ASXL3: variants seen among roughly 807,000 people sequenced by gnomAD.
The protein encoded by ASXL3 is putative Polycomb group protein ASXL3.
A neutral mutation model predicts 170.6 loss-of-function variants in ASXL3; 34 were observed. That is an observed-to-expected ratio of 0.20 (90% CI 0.15 to 0.27). The LOEUF (loss-of-function observed/expected upper bound fraction) is 0.27, where lower values mean the gene tolerates loss of function less well. Among genes scored for constraint, ASXL3 ranks in the 10% least tolerant of loss-of-function variants. ASXL3 has a pLI of 1.00. For synonymous variants in ASXL3, 1,002 were observed against 989.1 expected, an observed-to-expected ratio of 1.01 and a Z score of -0.24; for missense variants, 2,592 against 2,695.3, an observed-to-expected ratio of 0.96 and a Z score of 0.85.
At position 33,747,091 on chromosome 18, in the gene ASXL3, T is replaced by C. The variant is rs897729000; in HGVS notation, c.*496T>C. The C allele has an allele frequency of 2.0e-5, 3 of 152,758 alleles. 1 individual carries two copies. Among genetic ancestry groups the C allele is most frequent in the Admixed American group, 2.0e-4 (3 of 15,310 alleles). The allele number at this position is 152,758 out of a possible 1,614,324, so 9.5% of individuals were successfully genotyped here. On this transcript the variant is annotated 3_prime_UTR_variant, in exon 12 of 12. Coordinates refer to ENST00000269197, the MANE Select transcript of ASXL3 (RefSeq NM_030632.3). ...CCTATTTAGAAAGGGGAATCTGATTTAAATGTGTGATTCCTTGTATTTGCT... is the reference window on the plus strand; with the variant it reads ...CCTATTTAGAAAGGGGAATCTGATTCAAATGTGTGATTCCTTGTATTTGCT...
chr18:33,582,388 C>T (rs1043802330), intron 1 of ASXL3, among the ~76,000 whole-genome samples: 5 of 152,096 alleles, frequency 3.3e-5, no homozygotes, highest in Non-Finnish European at 5.9e-5. Flanking sequence ...ACAGAACATA[C>T]TGTTATTTAT....
chr18:33,601,465 G>A (rs913749172), intron 1 of ASXL3, among the ~76,000 whole-genome samples: 79 of 151,988 alleles, frequency 5.2e-4, no homozygotes, highest in African/African-American at 1.8e-3. Flanking sequence ...GACATCTAGT[G>A]AGTAGGGATT....
In ASXL3 at chr18:33,746,523, C is replaced by G; in HGVS notation, c.6675C>G (p.Gly2225=). The change falls in exon 12 of 12, where the codon GGC becomes GGG. Residue 2225 remains glycine (G), a synonymous_variant. Coordinates refer to ENST00000269197, the MANE Select transcript of ASXL3 (RefSeq NM_030632.3). ...TGAAAGCCATGATTGTGTGCAAAGG[C>G]TGTGGGGCCTTCTGCCATGACGACT... ...CRLKAMIVCK[G]CGAFCHDDCI... The G allele has an allele frequency of 6.2e-7, 1 of 1,613,152 alleles. No individual in the cohort carries two copies.
intron 2 of ASXL3, among the ~76,000 whole-genome samples, chr18:33,620,927 T>C (rs1424867740): frequency 1.3e-5 from 2 of 152,138 alleles, no homozygotes; most frequent in Non-Finnish European, 1.5e-5. Flanking sequence ...TTGTGTCCTT[T>C]GGTAAAAAGA....
intron 8 of ASXL3, among the ~76,000 whole-genome samples, chr18:33,710,669 G>A (rs1052607298): frequency 2.6e-5 from 4 of 152,046 alleles, no homozygotes; most frequent in African/African-American, 9.7e-5. Flanking sequence ...TGTCCTTAAT[G>A]ATCTAATTTA....
At position 33,744,838 on chromosome 18, in the gene ASXL3, G is replaced by T. The variant is rs371631443; in HGVS notation, c.4990G>T (p.Val1664Phe). Residue 1664 changes from valine to phenylalanine, a missense_variant, in exon 12 of 12, where the codon GTT becomes TTT. Physicochemically the swap from Val to Phe is conservative, Grantham distance 50 (BLOSUM62 -1). Coordinates refer to ENST00000269197, the MANE Select transcript of ASXL3 (RefSeq NM_030632.3). ...TCATCCCAGGAATCTTGTAACAAAT[G>T]TTGCTCTTCCTGTGAAATCTGAACT... ...ELHPRNLVTN[V>F]ALPVKSELHE... is the part of the protein sequence containing the mutation. 3 of 1,613,926 alleles carry T rather than the reference G, an allele frequency of 1.9e-6. No individual in the cohort carries two copies. Among genetic ancestry groups the T allele is most frequent in the African/African-American group, 2.7e-5 (2 of 74,940 alleles).
At chr18:33,643,448 T>C (rs1447222183) in intron 2 of ASXL3, among the ~76,000 whole-genome samples, 1 of 151,892 alleles carries the variant, frequency 6.6e-6, no homozygotes, top group Non-Finnish European at 1.5e-5. Context: ...TGTACTTTAA[T>C]GTTACAACTG....
At chr18:33,661,499 A>G (rs2066172737) in intron 4 of ASXL3, 117 bp from the exon 5 acceptor site, 2 of 890,068 alleles carry the variant, frequency 2.2e-6, no homozygotes, top group East Asian at 2.7e-5. Flanking sequence ...TTACTGTGCT[A>G]TTTTGCTTTA....
At position 33,696,213 on chromosome 18, in the gene ASXL3, T is replaced by A. The variant is rs527402571; in HGVS notation, c.879+12645T>A. On this transcript the variant is annotated intron_variant, in intron 8 of 11. Transcript: ENST00000269197. ...AACTCCTAGTAGTTATTATACCCTA[T>A]TAAAAAAATATAGTTGCCCAAGAAA... Among the ~76,000 whole-genome samples the A allele has an allele frequency of 4.6e-5, 7 of 151,796 alleles. No homozygotes were observed. In the East Asian group the frequency reaches 1.4e-3, roughly 29 times the overall value.
At chr18:33,679,023 G>A (rs182982947) in intron 7 of ASXL3, among the ~76,000 whole-genome samples, 1 of 152,222 alleles carries the variant, frequency 6.6e-6, no homozygotes, top group East Asian at 1.9e-4. Flanking sequence ...CTAAATAATA[G>A]CAGTGTAAGT....
rs1271873187 is a variant in ASXL3 at position 33,739,934 on chromosome 18, A to G, written c.2530A>G (p.Thr844Ala). The change falls in exon 11 of 12, where the codon ACT becomes GCT. Residue 844 changes from threonine to alanine, a missense_variant. By Grantham distance (58) the Thr-to-Ala change is moderately conservative. Around this residue, in one of 4 missense-constraint regions of ASXL3, gnomAD observed 2,246 missense variants for 2,219.6 expected, o/e 1.01. Coordinates refer to ENST00000269197, the MANE Select transcript of ASXL3 (RefSeq NM_030632.3). ...GCAAACCTGTAAATCACATGTTGACACTGAGAAGCCCTACCCTGCTTCAAT... is the reference window on the plus strand; with the variant it reads ...GCAAACCTGTAAATCACATGTTGACGCTGAGAAGCCCTACCCTGCTTCAAT... Reference protein sequence around the residue: ...SQQTCKSHVDTEKPYPASIPE... With the variant: ...SQQTCKSHVDAEKPYPASIPE... 1.9e-6 allele frequency: 3 copies of G among 1,614,016 alleles called. No homozygotes were observed. The highest frequency in any genetic ancestry group is 2.5e-6 in the Non-Finnish European group (3 of 1,179,898).
chr18:33,628,153 C>T (rs953577889), intron 2 of ASXL3, among the ~76,000 whole-genome samples: 3 of 151,988 alleles, frequency 2.0e-5, no homozygotes, highest in Non-Finnish European at 4.4e-5. Flanking sequence ...GAAGTGGGTG[C>T]TGTTTCTTCA....
At chr18:33,578,797 C>T (rs999903424) in intron 1 of ASXL3, 112 bp downstream of exon 1, 6 of 628,222 alleles carry the variant, frequency 9.6e-6, no homozygotes, top group African/African-American at 2.0e-5. Flanking sequence ...GCCGCCCGCT[C>T]GCCGGGCTCC....
chr18:33,697,916 C>T (rs1419830294), intron 8 of ASXL3, among the ~76,000 whole-genome samples: 1 of 152,100 alleles, frequency 6.6e-6, no homozygotes. Context: ...TCTGTCTTCT[C>T]CTGTTCTCTT....
chr18:33,720,359 C>G (rs2067238562), intron 8 of ASXL3, among the ~76,000 whole-genome samples: 1 of 151,990 alleles, frequency 6.6e-6, no homozygotes, highest in Admixed American at 6.6e-5. Context: ...AACAGTGATT[C>G]ATTGATTCCC....
chr18:33,690,971 T>A (rs530811125), intron 8 of ASXL3, among the ~76,000 whole-genome samples: 1 of 152,160 alleles, frequency 6.6e-6, no homozygotes, highest in Admixed American at 6.5e-5. Context: ...CTCACCCCAC[T>A]TGGCTCTGTG....
chr18:33,598,765 A>G (rs904648447), intron 1 of ASXL3, among the ~76,000 whole-genome samples: 1 of 152,204 alleles, frequency 6.6e-6, no homozygotes, highest in Non-Finnish European at 1.5e-5. Context: ...CACTGTAAGA[A>G]TCTGCAGGTA....
chr18:33,612,835 C>A lies in ASXL3; in HGVS notation c.137+5159C>A, dbSNP rs151294390. Among the ~76,000 whole-genome samples, 566 of 152,174 alleles carry A rather than the reference C, an allele frequency of 3.7e-3. 2 individuals carry two copies. Among genetic ancestry groups the A allele is most frequent in the African/African-American group, 0.013 (544 of 41,546 alleles). ...ACGCAAGTAATTTCTACTGCAAAATCAATTCTTATCTGCAGACTCCATGTT... is the reference window on the plus strand; with the variant it reads ...ACGCAAGTAATTTCTACTGCAAAATAAATTCTTATCTGCAGACTCCATGTT... On this transcript the variant is annotated intron_variant, in intron 2 of 11. Coordinates refer to ENST00000269197, the MANE Select transcript of ASXL3 (RefSeq NM_030632.3).
At chr18:33,596,457 T>G (rs1203893555) in intron 1 of ASXL3, among the ~76,000 whole-genome samples, 1 of 152,204 alleles carries the variant, frequency 6.6e-6, no homozygotes, top group Non-Finnish European at 1.5e-5. Context: ...TACTATTAAC[T>G]GTGACAAAAT....
Sources: gnomAD v4.1 joint callset for allele counts (sites outside exome capture counted in the v4.1 genomes callset) on GRCh38, gnomAD v4.1.1 for gene constraint, gnomAD v4.1.1 regional missense constraint, MANE v1.5 for transcripts, NCBI Gene and HGNC (gene_info 2026-07-23, HGNC 2026-07-21) for gene names.